MRPL12: variants seen among roughly 807,000 people sequenced by gnomAD.
MRPL12 encodes mitochondrial ribosomal protein L12, also known as large ribosomal subunit protein bL12m.
MRPL12 carries 13 observed loss-of-function variants against 21.1 expected under a neutral mutation model. That is an observed-to-expected ratio of 0.62 (90% confidence interval 0.40 to 0.98). The LOEUF is 0.98. Among genes scored for constraint, MRPL12 ranks in the 50% least tolerant of loss-of-function variants. MRPL12 has a pLI of 0.00. For synonymous variants in MRPL12, 126 were observed against 115.3 expected (o/e 1.09, Z -0.60); for missense variants, 251 against 268.6 (o/e 0.93, Z 0.46).
In MRPL12 at chr17:81,706,995, G is replaced by A. The variant is rs1045443717; in HGVS notation, c.435G>A (p.Leu145=). ...CGAAGCCCGTGGACAAAGTGAAGCT[G>A]ATCAAGGAAATCAAGAACTACATCC... is the stretch of plus-strand genomic sequence containing the variant. The part of the protein sequence containing the change: ...TEAKPVDKVK[L]IKEIKNYIQG... Residue 145 remains leucine (L), a synonymous_variant, in exon 4 of 5, where the codon CTG becomes CTA. Coordinates refer to ENST00000333676, the MANE Select transcript of MRPL12 (RefSeq NM_002949.4). 3 of 1,614,038 alleles carry A rather than the reference G, an allele frequency of 1.9e-6. No individual in the cohort carries two copies. In the African/African-American group the frequency reaches 4.0e-5, roughly 22 times the overall value.
chr17:81,706,191 C>T lies in MRPL12; in HGVS notation c.346-715C>T, dbSNP rs60132876. Among the ~76,000 whole-genome samples, 765 of 152,280 alleles carry T rather than the reference C, an allele frequency of 5.0e-3. 29 individuals carry two copies. The East Asian group carries it at 0.074, about 15-fold the overall frequency. On this transcript the variant is annotated intron_variant, in intron 3 of 4. Transcript: ENST00000333676. The stretch of plus-strand genomic sequence containing the variant: ...CAAAGCACTTTTGGTGTCGTTCTTT[C>T]CTGTCTCATAAGTTACGCTTTCTAA...
At chr17:81,704,500 A>G (rs2037292546) in intron 2 of MRPL12, 70 bp downstream of exon 2, 2 of 1,585,880 alleles carry the variant, frequency 1.3e-6, no homozygotes, top group African/African-American at 2.7e-5. Context: ...TTCCTGGTGT[A>G]TTTTGGGAGT....
At position 81,706,916 on chromosome 17, in the gene MRPL12, A is replaced by G. The variant is rs1468076585; in HGVS notation, c.356A>G (p.Glu119Gly). Reference protein sequence around the residue: ...PAAAAQEAVEEDIPIAKERTH... With the variant: ...PAAAAQEAVEGDIPIAKERTH... ...TTCCTGCTCCCTAAGGCGGTGGAAG[A>G]AGATATCCCCATAGCGAAAGAACGG... Residue 119 changes from glutamate to glycine, a missense_variant, in exon 4 of 5, where the codon GAA (glutamate) becomes GGA (glycine). Physicochemically the swap from Glu to Gly is moderately conservative, Grantham distance 98 (BLOSUM62 -2). Coordinates refer to ENST00000333676, the MANE Select transcript of MRPL12 (RefSeq NM_002949.4). 3 of 1,613,734 alleles carry G rather than the reference A, an allele frequency of 1.9e-6. No homozygotes were observed. The highest frequency in any genetic ancestry group is 2.5e-6 in the Non-Finnish European group (3 of 1,180,004).
At chr17:81,705,886 T>G (rs1243190820) in intron 3 of MRPL12, among the ~76,000 whole-genome samples, 3 of 152,206 alleles carry the variant, frequency 2.0e-5, no homozygotes, top group Non-Finnish European at 1.5e-5. Flanking sequence ...GAAGGTAGTT[T>G]AAAGGCTGAT....
chr17:81,706,998 C>T lies in MRPL12; in HGVS notation c.438C>T (p.Ile146=), dbSNP rs1413618975. ...EAKPVDKVKL[I]KEIKNYIQGI... is the part of the protein sequence containing the mutation. ...AGCCCGTGGACAAAGTGAAGCTGAT[C>T]AAGGAAATCAAGAACTACATCCAAG... The change falls in exon 4 of 5, where the codon ATC becomes ATT. Residue 146 remains isoleucine, a synonymous_variant. Transcript: ENST00000333676. 9.9e-6 allele frequency: 16 copies of T among 1,614,010 alleles called. No homozygotes were observed. The highest frequency in any genetic ancestry group is 1.4e-5 in the Non-Finnish European group (16 of 1,180,036).
In MRPL12 at chr17:81,707,202, G is replaced by T. The variant is rs748348910; in HGVS notation, c.559G>T (p.Ala187Ser). The T allele has an allele frequency of 4.3e-6, 7 of 1,610,088 alleles. No individual in the cohort carries two copies. The highest frequency in any genetic ancestry group is 3.3e-5 in the South Asian group (3 of 90,698). ...AKAEAEKIKA[A>S]LEAVGGTVVL... ...AGCTGAGGCGGAGAAGATCAAGGCG[G>T]CCCTGGAGGCGGTGGGCGGCACCGT... Residue 187 changes from alanine to serine, a missense_variant, in exon 5 of 5, where the codon GCC becomes TCC. By Grantham distance (99) the Ala-to-Ser change is moderately conservative (BLOSUM62 1). Coordinates refer to ENST00000333676, the MANE Select transcript of MRPL12 (RefSeq NM_002949.4).
chr17:81,703,439 C>T lies in MRPL12; in HGVS notation c.-63C>T. The T allele has an allele frequency of 1.4e-6, 2 of 1,390,314 alleles. No homozygotes were observed. Among genetic ancestry groups the T allele is most frequent in the Non-Finnish European group, 1.9e-6 (2 of 1,052,816 alleles). 86.1% of individuals were successfully genotyped at this position (1,390,314 alleles called of 1,614,324 possible). ...CTCCCCAGCTCGAATGCCCGGCGGCCGAGGCGGCTAGAGCGTCGCCTCCTC... is the reference window on the plus strand; with the variant it reads ...CTCCCCAGCTCGAATGCCCGGCGGCTGAGGCGGCTAGAGCGTCGCCTCCTC... On this transcript the variant is annotated 5_prime_UTR_variant, in exon 1 of 5. The change creates a premature stop within an existing upstream ORF in the 5' untranslated region. Transcript: ENST00000333676.
chr17:81,704,289 C>T lies in MRPL12; in HGVS notation c.120C>T (p.Ser40=). The T allele has an allele frequency of 8.7e-6, 14 of 1,612,828 alleles. No homozygotes were observed. Among genetic ancestry groups the T allele is most frequent in the Non-Finnish European group, 1.2e-5 (14 of 1,179,744 alleles). ...CVCAVRHMRS[S]GHQRCEALAG... Reference sequence around the variant, plus strand: ...GTGCCGTGCGACATATGAGGAGCAGCGGCCATCAGAGGTGTGAGGCCCTCG... The same window carrying T: ...GTGCCGTGCGACATATGAGGAGCAGTGGCCATCAGAGGTGTGAGGCCCTCG... The change falls in exon 2 of 5, where the codon AGC becomes AGT. Residue 40 remains serine (S), a synonymous_variant. Transcript: ENST00000333676.
chr17:81,704,206 G>A (rs1226967584), intron 1 of MRPL12, 38 bp from the exon 2 acceptor site: 2 of 1,575,310 alleles, frequency 1.3e-6, no homozygotes, highest in Admixed American at 1.8e-5. Context: ...TTCCATTCCA[G>A]GACTGACAAG....
intron 1 of MRPL12, among the ~76,000 whole-genome samples, chr17:81,703,928 G>A (rs956649542): frequency 2.0e-5 from 3 of 152,376 alleles, no homozygotes; most frequent in Admixed American, 6.5e-5. Context: ...CTAAGTAATA[G>A]TTTCGCCACC....
chr17:81,705,223 A>C (rs1017850943), intron 3 of MRPL12, among the ~76,000 whole-genome samples: 1 of 151,058 alleles, frequency 6.6e-6, no homozygotes. Flanking sequence ...AAAATAAATA[A>C]ATAAATAAAA....
rs1322699712 is a variant in MRPL12 at position 81,707,446 on chromosome 17, G to A, written c.*206G>A. On this transcript the variant is annotated 3_prime_UTR_variant, in exon 5 of 5. Transcript: ENST00000333676. Reference sequence around the variant, plus strand: ...GGCTGCTGCCTGGTGACGGCACCCGGAGGCCCACCAGGACGCGCCACCGGT... The same window carrying A: ...GGCTGCTGCCTGGTGACGGCACCCGAAGGCCCACCAGGACGCGCCACCGGT... 1.8e-6 allele frequency: 1 copy of A among 569,450 alleles called. No individual in the cohort carries two copies. Among genetic ancestry groups the A allele is most frequent in the Non-Finnish European group, 3.1e-6 (1 of 324,998 alleles). The allele number at this position is 569,450 out of a possible 1,614,324, so 35.3% of individuals were successfully genotyped here.
chr17:81,704,407 T>C lies in MRPL12; in HGVS notation c.238T>C (p.Ser80Pro). The C allele has an allele frequency of 6.2e-7, 1 of 1,612,898 alleles. No individual in the cohort carries two copies. Among genetic ancestry groups the C allele is most frequent in the Non-Finnish European group, 8.5e-7 (1 of 1,179,626 alleles). ...DIASLTLLEISDLNELLKKTL... is the reference protein window; with the variant it reads ...DIASLTLLEIPDLNELLKKTL... Reference sequence around the variant, plus strand: ...CGCCAGCCTCACTCTCTTGGAAATCTCAGACCTCAACGAGCTCCTGAAGGT... The same window carrying C: ...CGCCAGCCTCACTCTCTTGGAAATCCCAGACCTCAACGAGCTCCTGAAGGT... Residue 80 changes from serine (S) to proline (P), a missense_variant, in exon 2 of 5, where the codon TCA (serine) becomes CCA (proline). Transcript: ENST00000333676.
intron 3 of MRPL12, among the ~76,000 whole-genome samples, chr17:81,705,940 G>A (rs1417301922): frequency 6.6e-6 from 1 of 152,266 alleles, no homozygotes; most frequent in South Asian, 2.1e-4. Flanking sequence ...TGGGATTACT[G>A]TAGAGCCTGT....
rs201839546 is a variant in MRPL12, at chr17:81,706,897, C to G, written c.346-9C>G. 3.1e-6 allele frequency: 5 copies of G among 1,613,240 alleles called. No homozygotes were observed. In the East Asian group the frequency reaches 1.1e-4, roughly 36 times the overall value. On this transcript the variant is annotated splice_polypyrimidine_tract_variant and intron_variant, in intron 3 of 4. Coordinates refer to ENST00000333676, the MANE Select transcript of MRPL12 (RefSeq NM_002949.4). ...GTCACCTGGCTCCCCTTCTTTCCTG[C>G]TCCCTAAGGCGGTGGAAGAAGATAT...
Position 81,703,385 on chromosome 17 carries a change from G to C in MRPL12, c.-117G>C. On this transcript the variant is annotated 5_prime_UTR_variant, in exon 1 of 5. The change abolishes an upstream ATG in the 5' untranslated region. Transcript: ENST00000333676. The stretch of plus-strand genomic sequence containing the variant: ...CTAGAGCGTCATTTCCGGCTCGAAT[G>C]CCCGGCAGCCGTGGCGGCTAGAGCG... The C allele has an allele frequency of 7.2e-6, 6 of 828,746 alleles. No homozygotes were observed. The highest frequency in any genetic ancestry group is 1.1e-5 in the Non-Finnish European group (6 of 568,260). The allele number at this position is 828,746 out of a possible 1,614,324, so 51.3% of individuals were successfully genotyped here. A position where few individuals can be genotyped will look rare whatever the true frequency, so the allele number is the denominator to read the frequency against.
chr17:81,704,147 G>T, intron 1 of MRPL12, 97 bp from the exon 2 acceptor site: 5 of 1,279,610 alleles, frequency 3.9e-6, no homozygotes, highest in Non-Finnish European at 4.3e-6. Context: ...TGAGCTTATG[G>T]CACCCACCAG....
intron 3 of MRPL12, among the ~76,000 whole-genome samples, chr17:81,705,355 C>T (rs1253097628): frequency 6.9e-6 from 1 of 145,618 alleles, no homozygotes; most frequent in Non-Finnish European, 1.5e-5. Context: ...CATACTACTG[C>T]CTTCCAACTT....
rs1228354588 is a variant in MRPL12 at position 81,703,550 on chromosome 17, C to T, written c.49C>T (p.Arg17Trp). 6 of 1,462,198 alleles carry T rather than the reference C, an allele frequency of 4.1e-6. No individual in the cohort carries two copies. Among genetic ancestry groups the T allele is most frequent in the South Asian group, 1.3e-5 (1 of 76,292 alleles). 90.6% of individuals were successfully genotyped at this position (1,462,198 alleles called of 1,614,324 possible). A position where few individuals can be genotyped will look rare whatever the true frequency, so the allele number is the denominator to read the frequency against. Residue 17 changes from arginine to tryptophan, a missense_variant, in exon 1 of 5, where the codon CGG becomes TGG. Transcript: ENST00000333676. ...RPLWGPCLGLRAAAFRLARRQ... is the reference protein window; with the variant it reads ...RPLWGPCLGLWAAAFRLARRQ... ...CCTGTGGGGGCCTTGCCTTGGGCTT[C>T]GGGCCGCTGCGTTCCGCCTTGCCAG...
Sources: gnomAD v4.1 joint callset for allele counts (sites outside exome capture counted in the v4.1 genomes callset) on GRCh38, gnomAD v4.1.1 for gene constraint, MANE v1.5 for transcripts, NCBI Gene and HGNC (gene_info 2026-07-23, HGNC 2026-07-21) for gene names.